GPHN: variants seen among roughly 807,000 people sequenced by gnomAD.
GPHN encodes the protein gephyrin.
A neutral mutation model predicts 95.5 loss-of-function variants in GPHN; 17 were observed. That is an observed-to-expected ratio of 0.18 (90% CI 0.12 to 0.27). The LOEUF (loss-of-function observed/expected upper bound fraction) is 0.27, where lower values mean the gene tolerates loss of function less well. Among genes scored for constraint, GPHN ranks in the 10% least tolerant of loss-of-function variants. GPHN has a pLI of 1.00. For synonymous variants in GPHN, 320 were observed against 322.5 expected (o/e 0.99, Z 0.08); for missense variants, 660 against 978.1 (o/e 0.67, Z 4.34).
the GPHN span, chr14:67,345,894 A>G: frequency 6.8e-7 from 1 of 1,470,100 alleles, no homozygotes; most frequent in Non-Finnish European, 9.5e-7. Flanking sequence ...GTCAGACAAC[A>G]TTTTTAATTA....
intron 12 of GPHN, 50 bp downstream of exon 12, chr14:67,089,125 CT>C (rs1264164364): frequency 2.1e-5 from 7 of 329,574 alleles, no homozygotes; most frequent in South Asian, 5.9e-5. Flanking sequence ...ATTTTTTTTT[CT>C]TTTTTTCTTT....
intron 1 of GPHN, among the ~76,000 whole-genome samples, chr14:66,572,858 A>G (rs1051541838): frequency 6.6e-6 from 1 of 152,160 alleles, no homozygotes; most frequent in Admixed American, 6.5e-5. Context: ...AAAGCTTTCA[A>G]CTTTCTACTG....
At chr14:67,263,839 A>G in the GPHN span, among the ~76,000 whole-genome samples, 1 of 144,328 alleles carries the variant, frequency 6.9e-6, no homozygotes, top group Non-Finnish European at 1.5e-5. Flanking sequence ...TGCTTACTCA[A>G]CCATTTAAAT....
At chr14:66,960,626 C>T (rs1021040546) in intron 8 of GPHN, among the ~76,000 whole-genome samples, 2 of 152,030 alleles carry the variant, frequency 1.3e-5, no homozygotes, top group Non-Finnish European at 2.9e-5. Flanking sequence ...CAGAGAAAAT[C>T]TCCCAGTTTT....
intron 10 of GPHN, among the ~76,000 whole-genome samples, chr14:67,054,857 A>G (rs1049124714): frequency 1.4e-5 from 2 of 147,370 alleles, no homozygotes; most frequent in African/African-American, 2.4e-5. Flanking sequence ...AGGATTTGCT[A>G]TTTAATAAAT....
intron 10 of GPHN, among the ~76,000 whole-genome samples, chr14:67,055,286 T>C (rs2075505604): frequency 6.6e-6 from 1 of 152,204 alleles, no homozygotes; most frequent in Admixed American, 6.5e-5. Flanking sequence ...CAAGAGAAGA[T>C]ATACATGCAG....
chr14:67,349,574 C>A, the GPHN span, among the ~76,000 whole-genome samples: 1 of 152,164 alleles, frequency 6.6e-6, no homozygotes, highest in Non-Finnish European at 1.5e-5. Flanking sequence ...ATAGCTCACG[C>A]CTGTAATCCT....
At chr14:66,633,589 G>A (rs1446627400) in intron 1 of GPHN, among the ~76,000 whole-genome samples, 1 of 149,368 alleles carries the variant, frequency 6.7e-6, no homozygotes, top group African/African-American at 2.5e-5. Flanking sequence ...TACATTCTCA[G>A]TTTAAGGGAC....
At chr14:66,524,326 A>G (rs1009574652) in intron 1 of GPHN, among the ~76,000 whole-genome samples, 1 of 152,128 alleles carries the variant, frequency 6.6e-6, no homozygotes, top group Non-Finnish European at 1.5e-5. Flanking sequence ...AGGACCTTAT[A>G]TGTTTGAGGT....
chr14:66,620,333 T>C (rs771785310), intron 1 of GPHN, among the ~76,000 whole-genome samples: 4 of 152,108 alleles, frequency 2.6e-5, no homozygotes, highest in Admixed American at 1.3e-4. Context: ...AAGACATACC[T>C]GAGACTGGGC....
chr14:67,472,015 A>G, the GPHN span: 1 of 152,456 alleles, frequency 6.6e-6, no homozygotes, highest in Non-Finnish European at 1.5e-5. Flanking sequence ...ACTGCCAGCA[A>G]TGGACCTGTC....
chr14:66,668,858 C>T (rs2066126854), intron 1 of GPHN, among the ~76,000 whole-genome samples: 1 of 150,856 alleles, frequency 6.6e-6, no homozygotes, highest in Admixed American at 6.6e-5. Context: ...TTTGTATTAC[C>T]TTTCCCACTT....
the GPHN span, among the ~76,000 whole-genome samples, chr14:67,316,285 A>G: frequency 1.3e-5 from 2 of 152,154 alleles, no homozygotes; most frequent in Non-Finnish European, 2.9e-5. Flanking sequence ...CACGTTTTCC[A>G]TTTATATAAT....
chr14:66,974,237 A>G (rs1189173467), intron 9 of GPHN, among the ~76,000 whole-genome samples: 1 of 152,222 alleles, frequency 6.6e-6, no homozygotes, highest in Non-Finnish European at 1.5e-5. Flanking sequence ...TGATGAAACT[A>G]AAATTACACA....
At chr14:67,427,735 TAGG>T in the GPHN span, among the ~76,000 whole-genome samples, 4 of 151,758 alleles carry the variant, frequency 2.6e-5, no homozygotes, top group African/African-American at 2.4e-5. Context: ...CACTCATACT[TAGG>T]AGATTTGGTT....
chr14:67,307,790 A>G, the GPHN span, among the ~76,000 whole-genome samples: 2 of 152,232 alleles, frequency 1.3e-5, no homozygotes, highest in Non-Finnish European at 2.9e-5. Flanking sequence ...AATAAAAATT[A>G]CAAAGAAAAA....
intron 1 of GPHN, among the ~76,000 whole-genome samples, chr14:66,623,122 G>A (rs2063375249): frequency 1.3e-5 from 2 of 152,164 alleles, no homozygotes; most frequent in South Asian, 4.1e-4. Context: ...ATGGCAGAAG[G>A]CAAAGAGGAG....
At chr14:67,597,303 C>A in the GPHN span, among the ~76,000 whole-genome samples, 5 of 151,918 alleles carry the variant, frequency 3.3e-5, no homozygotes, top group Admixed American at 6.6e-5. Flanking sequence ...CCTAGTGAGA[C>A]CCTGTCTCTA....
intron 3 of GPHN, among the ~76,000 whole-genome samples, chr14:66,808,389 G>C (rs534621265): frequency 6.6e-6 from 1 of 152,172 alleles, no homozygotes; most frequent in African/African-American, 2.4e-5. Context: ...TTAATGTATT[G>C]GCTTGTCAAT....
Sources: allele counts gnomAD v4.1 joint callset (sites outside exome capture counted in the v4.1 genomes callset), GRCh38; gene constraint gnomAD v4.1.1; transcripts MANE v1.5; gene names NCBI Gene and HGNC (gene_info 2026-07-23, HGNC 2026-07-21).